The following ZFX variants were observed in gnomAD, a reference collection of about 807,000 sequenced individuals.
ZFX encodes zinc finger X-chromosomal protein.
For synonymous variants in ZFX, 196 were observed against 226.8 expected (o/e 0.86, Z 1.22); for missense variants, 362 against 628.3 (o/e 0.58, Z 4.53).
intron 5 of ZFX, among the ~76,000 whole-genome samples, chrX:24,194,486 A>C (rs1450776030): frequency 1.8e-5 from 2 of 111,276 alleles, no homozygotes; most frequent in Non-Finnish European, 3.8e-5. Flanking sequence ...GTGAGTGAGC[A>C]TGCCCTGTGA....
chrX:24,152,352 C>G (rs1014453827), intron 2 of ZFX, among the ~76,000 whole-genome samples: 1 of 110,648 alleles, frequency 9.0e-6, no homozygotes, highest in African/African-American at 3.3e-5. Flanking sequence ...AGGCTGGTCT[C>G]GAACTCCTGA....
chrX:24,150,443 T>G (rs1159810737), intron 1 of ZFX: 1 of 112,460 alleles, frequency 8.9e-6, no homozygotes, highest in South Asian at 3.5e-4. Context: ...CTTGCCGCCA[T>G]GATGAGCGCT....
intron 5 of ZFX, among the ~76,000 whole-genome samples, chrX:24,192,498 C>T (rs1037482904): frequency 9.0e-6 from 1 of 111,330 alleles, no homozygotes; most frequent in Non-Finnish European, 1.9e-5. Flanking sequence ...TGATTGTGTC[C>T]TCATGGCATA....
At chrX:24,206,075 G>A (rs759465025) in intron 5 of ZFX, among the ~76,000 whole-genome samples, 4 of 109,762 alleles carry the variant, frequency 3.6e-5, no homozygotes, top group African/African-American at 1.3e-4. Flanking sequence ...TTAAATTCAC[G>A]TATTGCTGCA....
chrX:24,167,235 A>G (rs1429115605), intron 3 of ZFX, among the ~76,000 whole-genome samples: 3 of 111,703 alleles, frequency 2.7e-5, no homozygotes, highest in Non-Finnish European at 5.7e-5. Context: ...TTCCACCATT[A>G]AAGGAGAACC....
chrX:24,179,889 C>T (rs956349145), intron 5 of ZFX, 119 bp downstream of exon 5: 5 of 659,296 alleles, frequency 7.6e-6, no homozygotes, highest in Non-Finnish European at 1.1e-5. Context: ...CATAGACCTA[C>T]CTGCATTGTT....
rs1441906722 is a variant in ZFX, at chrX:24,215,099, G to A, written c.*3723G>A. ...TAAATTAAAATTTTAGGTAAATGAC[G>A]AAGGGAATGTGGTGAATGTCACTGT... On this transcript the variant is annotated 3_prime_UTR_variant, in exon 10 of 10. Transcript: ENST00000304543. 1 of 111,797 alleles carries A rather than the reference G, an allele frequency of 8.9e-6. No individual in the cohort carries two copies. Among genetic ancestry groups the A allele is most frequent in the African/African-American group, 3.2e-5 (1 of 30,777 alleles). 9.2% of individuals were successfully genotyped at this position (111,797 alleles called of 1,213,427 possible).
intron 5 of ZFX, among the ~76,000 whole-genome samples, chrX:24,199,887 A>G (rs1199658950): frequency 9.2e-6 from 1 of 108,895 alleles, no homozygotes; most frequent in Non-Finnish European, 1.9e-5. Context: ...ATTGCACTCC[A>G]GTCTGGGCAA....
intron 6 of ZFX, 38 bp from the exon 7 acceptor site, chrX:24,207,674 A>G (rs756272958): frequency 3.4e-6 from 4 of 1,189,431 alleles, no homozygotes; most frequent in African/African-American, 3.5e-5. Flanking sequence ...GCAGTTTTCA[A>G]ATAAATTATT....
At chrX:24,159,671 A>G (rs759846225) in intron 3 of ZFX, among the ~76,000 whole-genome samples, 85 of 111,084 alleles carry the variant, frequency 7.7e-4, no homozygotes, top group Non-Finnish European at 1.4e-3. Flanking sequence ...GATGGGTTTC[A>G]CCATGTTGGC....
chrX:24,173,348 G>A (rs762236603), intron 4 of ZFX, among the ~76,000 whole-genome samples: 22 of 110,549 alleles, frequency 2.0e-4, no homozygotes, highest in African/African-American at 7.2e-4. Context: ...CTAATACCCA[G>A]TAGATAAAGA....
chrX:24,159,382 T>G (rs748880357), intron 3 of ZFX, among the ~76,000 whole-genome samples: 1 of 112,878 alleles, frequency 8.9e-6, no homozygotes, highest in African/African-American at 3.2e-5. Flanking sequence ...TAATCTTGTT[T>G]GGATAACAAA....
intron 3 of ZFX, among the ~76,000 whole-genome samples, chrX:24,169,485 A>G (rs1265982209): frequency 9.1e-6 from 1 of 109,412 alleles, no homozygotes; most frequent in African/African-American, 3.3e-5. Context: ...TAGGGTTTCT[A>G]GTCATTTGTT....
intron 3 of ZFX, among the ~76,000 whole-genome samples, chrX:24,166,998 ATAAT>A (rs1206122665): frequency 1.8e-5 from 2 of 112,144 alleles, no homozygotes; most frequent in African/African-American, 6.5e-5. Context: ...GTACAGCCAG[ATAAT>A]TAAAGCCATG....
At chrX:24,183,580 A>G (rs985558029) in intron 5 of ZFX, among the ~76,000 whole-genome samples, 1 of 111,797 alleles carries the variant, frequency 8.9e-6, no homozygotes, top group African/African-American at 3.3e-5. Context: ...AAGTACAGAC[A>G]TGACACCACA....
Position 24,212,139 on chromosome X carries a change from GAC to G in ZFX, c.*766_*767del, listed in dbSNP as rs986956718. On this transcript the variant is annotated 3_prime_UTR_variant, in exon 10 of 10. Coordinates refer to ENST00000304543, the MANE Select transcript of ZFX (RefSeq NM_003410.4). ...CTTGGAATGGTTGTGTGCTACAAAT[GAC>G]ACTTACTGAGGACTGCATTTTGGAA... 1.8e-5 allele frequency: 2 copies of G among 112,330 alleles called. No individual in the cohort carries two copies. The highest frequency in any genetic ancestry group is 3.2e-5 in the African/African-American group (1 of 30,862). 9.3% of individuals were successfully genotyped at this position (112,330 alleles called of 1,213,427 possible).
At position 24,177,923 on chromosome X, in the gene ZFX, T is replaced by G. The variant is rs915087619; in HGVS notation, c.59-1260T>G. 8 of 673,248 alleles carry G rather than the reference T, an allele frequency of 1.2e-5. No homozygotes were observed. The African/African-American group carries it at 2.1e-4, about 18-fold the overall frequency. The allele number at this position is 673,248 out of a possible 1,213,427, so 55.5% of individuals were successfully genotyped here. ...GTTTGTCACCTGAAGTTGCATTACT[T>G]AATTTTTTTTTTTTTTAAGAGACTT... On this transcript the variant is annotated intron_variant, in intron 4 of 9. Coordinates refer to ENST00000304543, the MANE Select transcript of ZFX (RefSeq NM_003410.4).
At chrX:24,191,154 A>C (rs1569154249) in intron 5 of ZFX, among the ~76,000 whole-genome samples, 1 of 111,706 alleles carries the variant, frequency 9.0e-6, no homozygotes, top group African/African-American at 3.3e-5. Context: ...TTATTGTTTT[A>C]CTAGTTTTAG....
At chrX:24,179,834 C>T (rs894752262) in intron 5 of ZFX, 64 bp downstream of exon 5, 1 of 1,011,143 alleles carries the variant, frequency 9.9e-7, no homozygotes, top group African/African-American at 1.9e-5. Flanking sequence ...TAATTTACAT[C>T]AGGGGTGAAA....
Sources: allele counts gnomAD v4.1 joint callset (sites outside exome capture counted in the v4.1 genomes callset), GRCh38; gene constraint gnomAD v4.1.1; transcripts MANE v1.5; gene names NCBI Gene and HGNC (gene_info 2026-07-23, HGNC 2026-07-21).